The following ARMC9 variants were observed in gnomAD, a reference collection of about 807,000 sequenced individuals.
The protein encoded by ARMC9 is lisH domain-containing protein ARMC9.
In ARMC9, 94 loss-of-function variants were observed where a neutral mutation model predicts 107.0. The ratio of observed to expected loss-of-function variants is 0.88; its 90% CI spans 0.74 to 1.04. The LOEUF is 1.04. Ranked by LOEUF, ARMC9 falls within the 50% of genes least tolerant of loss-of-function variation. ARMC9 has a pLI of 0.00. For missense variants in ARMC9, 942 were observed against 1,030.1 expected (o/e 0.91, Z 1.17); for synonymous variants, 380 against 396.9 (o/e 0.96, Z 0.51).
rs71396668 is a variant in ARMC9, at chr2:231,220,596, CAA to C, written c.505-2109_505-2108del. Among the ~76,000 whole-genome samples, 167 of 66,130 alleles carry C rather than the reference CAA, an allele frequency of 2.5e-3. 1 individual carries two copies. The highest frequency in any genetic ancestry group is 7.7e-3 in the African/African-American group (136 of 17,638). The allele number at this position is 66,130 out of a possible 152,430, so 43.4% of individuals were successfully genotyped here. On this transcript the variant is annotated intron_variant, in intron 5 of 24. Coordinates refer to ENST00000611582, the MANE Select transcript of ARMC9 (RefSeq NM_001352754.2). ...TGGGCAACAGAGCGAGACTCCATCT[CAA>C]AAAAAAAAAAAAAAAAAAAAAATTC...
At chr2:231,312,922 G>A (rs1428157853) in intron 19 of ARMC9, among the ~76,000 whole-genome samples, 1 of 152,096 alleles carries the variant, frequency 6.6e-6, no homozygotes, top group Admixed American at 6.5e-5. Flanking sequence ...CTCCCGAGTG[G>A]ATCAAGCTCT....
chr2:231,292,029 G>A (rs893115425), intron 18 of ARMC9, among the ~76,000 whole-genome samples: 1 of 150,666 alleles, frequency 6.6e-6, no homozygotes, highest in Non-Finnish European at 1.5e-5. Flanking sequence ...TTAGCCAGGC[G>A]TGGTGGCGCA....
intron 10 of ARMC9, among the ~76,000 whole-genome samples, chr2:231,257,300 C>T (rs1193492131): frequency 6.6e-6 from 1 of 152,202 alleles, no homozygotes; most frequent in Non-Finnish European, 1.5e-5. Flanking sequence ...ATGGGCAGCC[C>T]TGTGTATGCC....
At chr2:231,363,546 C>G (rs2045677835) in intron 23 of ARMC9, among the ~76,000 whole-genome samples, 1 of 152,072 alleles carries the variant, frequency 6.6e-6, no homozygotes, top group Admixed American at 6.5e-5. Context: ...CAGTGACTTC[C>G]AGCAACTGTC....
intron 19 of ARMC9, among the ~76,000 whole-genome samples, chr2:231,314,639 T>C (rs1357402114): frequency 6.6e-6 from 1 of 152,210 alleles, no homozygotes; most frequent in Admixed American, 6.5e-5. Flanking sequence ...AATCCACCCC[T>C]CTTCCCAGTT....
At position 231,373,833 on chromosome 2, in the gene ARMC9, T is replaced by G. The variant is rs1183062083; in HGVS notation, c.*2298T>G. ...CACAAGAATAGCTTGAACCGGGAGA[T>G]GGAAGATGCAGTGAGCCAAGATCAC... On this transcript the variant is annotated 3_prime_UTR_variant, in exon 25 of 25. Transcript: ENST00000611582. The surrounding 1 kb of genome is among the most constrained non-coding windows in gnomAD (Gnocchi z 4.4). The G allele has an allele frequency of 6.7e-6, 1 of 148,764 alleles. No individual in the cohort carries two copies. The highest frequency in any genetic ancestry group is 1.5e-5 in the Non-Finnish European group (1 of 67,510). 9.2% of individuals were successfully genotyped at this position (148,764 alleles called of 1,614,324 possible). A position where few individuals can be genotyped will look rare whatever the true frequency, so the allele number is the denominator to read the frequency against.
At chr2:231,291,572 C>T (rs2040995804) in intron 18 of ARMC9, 129 bp downstream of exon 18, 2 of 829,428 alleles carry the variant, frequency 2.4e-6, no homozygotes, top group Admixed American at 2.2e-5. Context: ...AATCCCAGCA[C>T]TTTGGGAGGC....
chr2:231,212,552 GCTCT>G (rs1254192161), intron 3 of ARMC9, among the ~76,000 whole-genome samples: 2 of 152,234 alleles, frequency 1.3e-5, no homozygotes, highest in Non-Finnish European at 2.9e-5. Flanking sequence ...CAGTCAGAGA[GCTCT>G]TGGTCACCGC....
At chr2:231,291,783 C>G (rs2041014410) in intron 18 of ARMC9, among the ~76,000 whole-genome samples, 1 of 150,526 alleles carries the variant, frequency 6.6e-6, no homozygotes, top group African/African-American at 2.5e-5. Context: ...CCACTGCACT[C>G]CAGCCTAGGT....
intron 9 of ARMC9, among the ~76,000 whole-genome samples, chr2:231,245,520 A>C (rs1559344835): frequency 6.6e-6 from 1 of 152,196 alleles, no homozygotes; most frequent in Non-Finnish European, 1.5e-5. Context: ...TGTTAGCTAG[A>C]AAGTATACCA....
At chr2:231,254,205 G>T (rs1332266065) in intron 9 of ARMC9, among the ~76,000 whole-genome samples, 1 of 152,118 alleles carries the variant, frequency 6.6e-6, no homozygotes, top group Non-Finnish European at 1.5e-5. Flanking sequence ...GAGAATGTGT[G>T]TATCATCTTG....
In ARMC9 at chr2:231,270,855, T is replaced by G. The variant is rs773615695; in HGVS notation, c.1120-127T>G. Reference sequence around the variant, plus strand: ...AAGGATTCCAGATGAAATGTTTGGCTTTAGTCTGTTTATTTCACCTCTAAT... The same window carrying G: ...AAGGATTCCAGATGAAATGTTTGGCGTTAGTCTGTTTATTTCACCTCTAAT... On this transcript the variant is annotated intron_variant, in intron 12 of 24. Transcript: ENST00000611582. 5.4e-4 allele frequency: 435 copies of G among 811,808 alleles called. 3 individuals are homozygous for G. Among genetic ancestry groups the G allele is most frequent in the Admixed American group, 1.9e-4 (9 of 47,924 alleles). The allele number at this position is 811,808 out of a possible 1,614,324, so 50.3% of individuals were successfully genotyped here. A position where few individuals can be genotyped will look rare whatever the true frequency, so the allele number is the denominator to read the frequency against.
intron 16 of ARMC9, among the ~76,000 whole-genome samples, chr2:231,281,299 A>G (rs564358886): frequency 6.6e-6 from 1 of 152,184 alleles, no homozygotes; most frequent in Non-Finnish European, 1.5e-5. Flanking sequence ...GGTTCATTGT[A>G]TGTGTGAAGA....
intron 14 of ARMC9, among the ~76,000 whole-genome samples, chr2:231,273,949 G>A (rs1032587134): frequency 3.9e-5 from 6 of 152,042 alleles, no homozygotes; most frequent in African/African-American, 7.3e-5. Context: ...GCTTTCTGTC[G>A]ATTGACTTGT....
intron 23 of ARMC9, among the ~76,000 whole-genome samples, chr2:231,368,844 C>T (rs974731504): frequency 6.6e-6 from 1 of 152,040 alleles, no homozygotes; most frequent in Admixed American, 6.6e-5. Context: ...AGGCTGGTCG[C>T]GAACTCCTGA....
At chr2:231,274,598 T>C (rs1046676141) in intron 14 of ARMC9, among the ~76,000 whole-genome samples, 2 of 152,150 alleles carry the variant, frequency 1.3e-5, no homozygotes, top group Non-Finnish European at 2.9e-5. Context: ...TTTTCAGAGT[T>C]TTTATTCTCT....
chr2:231,352,396 G>C (rs1400136419), intron 21 of ARMC9, among the ~76,000 whole-genome samples: 1 of 151,514 alleles, frequency 6.6e-6, no homozygotes, highest in East Asian at 1.9e-4. Flanking sequence ...GGGTTCAAGC[G>C]ATTCTCCTTT....
rs1044341292 is a variant in ARMC9, at chr2:231,288,772, G to A, written c.1627-2581G>A. On this transcript the variant is annotated intron_variant, in intron 17 of 24. Transcript: ENST00000611582. ...CGGCCGGCGAGGGGCTACGCACCGT[G>A]GTTTGACTCCAGAGCCCTCTGCACC... 24 of 469,144 alleles carry A rather than the reference G, an allele frequency of 5.1e-5. 1 individual carries two copies. The highest frequency in any genetic ancestry group is 3.6e-4 in the Middle Eastern group (1 of 2,790). The allele number at this position is 469,144 out of a possible 1,614,324, so 29.1% of individuals were successfully genotyped here.
Position 231,229,968 on chromosome 2 carries a change from T to G in ARMC9, c.622+3170T>G, listed in dbSNP as rs117327078. Among the ~76,000 whole-genome samples the G allele has an allele frequency of 3.6e-3, 553 of 152,268 alleles. 9 individuals carry two copies. The East Asian group carries it at 0.043, about 12-fold the overall frequency. On this transcript the variant is annotated intron_variant, in intron 7 of 24. Coordinates refer to ENST00000611582, the MANE Select transcript of ARMC9 (RefSeq NM_001352754.2). ...GAGATTTACATCACTGTTATGTCAG[T>G]AATTTTGGATATGAAGAGTCTCAAT... is the stretch of plus-strand genomic sequence containing the variant.
Sources: gnomAD v4.1 joint callset for allele counts (sites outside exome capture counted in the v4.1 genomes callset) on GRCh38, gnomAD v4.1.1 for gene constraint, Gnocchi (gnomAD v3.1) non-coding constraint, MANE v1.5 for transcripts, NCBI Gene and HGNC (gene_info 2026-07-23, HGNC 2026-07-21) for gene names.